The following LRRTM4 variants were observed in gnomAD, a reference collection of about 807,000 sequenced individuals.
LRRTM4 encodes the protein leucine rich repeat transmembrane neuronal 4, also known as leucine-rich repeat transmembrane neuronal protein 4.
A neutral mutation model predicts 47.6 loss-of-function variants in LRRTM4; 25 were observed. That is an observed-to-expected ratio of 0.53 (90% CI 0.38 to 0.73). The LOEUF (loss-of-function observed/expected upper bound fraction) is 0.73. LRRTM4 is among the 30% of genes least tolerant of loss of function. The pLI is 0.00. For synonymous variants in LRRTM4, 311 were observed against 269.5 expected (o/e 1.15, Z -1.51); for missense variants, 638 against 713.4 (o/e 0.89, Z 1.20).
chr2:77,440,225 T>C (rs1254466665), intron 3 of LRRTM4, among the ~76,000 whole-genome samples: 2 of 152,086 alleles, frequency 1.3e-5, no homozygotes, highest in Non-Finnish European at 1.5e-5. Context: ...CCATCCTGGC[T>C]AACACGGTGA....
intron 3 of LRRTM4, among the ~76,000 whole-genome samples, chr2:77,099,339 CATG>C (rs1274661362): frequency 6.6e-6 from 1 of 151,792 alleles, no homozygotes; most frequent in Non-Finnish European, 1.5e-5. Flanking sequence ...CTCACAAAAA[CATG>C]ATTAGACCCA....
At position 77,333,825 on chromosome 2, in the gene LRRTM4, T is replaced by A. The variant is rs563582017; in HGVS notation, c.1551+184493A>T. Among the ~76,000 whole-genome samples the A allele has an allele frequency of 2.0e-4, 30 of 152,222 alleles. No individual in the cohort carries two copies. In the South Asian group the frequency reaches 6.2e-3, roughly 32 times the overall value. On this transcript the variant is annotated intron_variant, in intron 3 of 3. Transcript: ENST00000409884. ...CCAGAACCCAGAATGGTAATTCCAC[T>A]GACAACTTGCACCATGCACCTGGAA...
chr2:76,819,196 T>G (rs560671709), intron 3 of LRRTM4, among the ~76,000 whole-genome samples: 2 of 152,000 alleles, frequency 1.3e-5, no homozygotes, highest in East Asian at 3.9e-4. Flanking sequence ...GCAGTCAGTA[T>G]TTATTGCCAT....
chr2:77,438,295 A>G (rs895806337), intron 3 of LRRTM4, among the ~76,000 whole-genome samples: 14 of 151,622 alleles, frequency 9.2e-5, no homozygotes, highest in African/African-American at 3.4e-4. Flanking sequence ...GTTTTTATAT[A>G]TATTTTGAAA....
intron 3 of LRRTM4, among the ~76,000 whole-genome samples, chr2:76,974,221 TAC>T (rs201550587): frequency 0.23 from 28,186 of 123,412 alleles, 4,208 homozygotes; most frequent in African/African-American, 0.43. Context: ...CACATATATA[TAC>T]ATACATATAT....
At chr2:76,884,598 T>A (rs1445342091) in intron 3 of LRRTM4, among the ~76,000 whole-genome samples, 1 of 152,118 alleles carries the variant, frequency 6.6e-6, no homozygotes, top group African/African-American at 2.4e-5. Context: ...ATTATGTACA[T>A]TAATATGTGT....
intron 3 of LRRTM4, among the ~76,000 whole-genome samples, chr2:77,309,576 C>A (rs1573230745): frequency 6.6e-6 from 1 of 152,120 alleles, no homozygotes; most frequent in Admixed American, 6.6e-5. Context: ...TGGAAGAGTT[C>A]TTAATGGGCA....
intron 3 of LRRTM4, among the ~76,000 whole-genome samples, chr2:77,361,619 C>G (rs368287756): frequency 6.6e-6 from 1 of 152,084 alleles, no homozygotes; most frequent in African/African-American, 2.4e-5. Context: ...CTTTATCTTC[C>G]CCGTGAAATA....
At chr2:76,772,257 A>C (rs762466756) in intron 3 of LRRTM4, among the ~76,000 whole-genome samples, 2 of 152,156 alleles carry the variant, frequency 1.3e-5, no homozygotes, top group African/African-American at 4.8e-5. Context: ...AAGAGGGAGG[A>C]CATCAGATCA....
intron 3 of LRRTM4, among the ~76,000 whole-genome samples, chr2:77,088,291 C>T (rs1230436945): frequency 6.6e-6 from 1 of 152,084 alleles, no homozygotes; most frequent in Non-Finnish European, 1.5e-5. Flanking sequence ...GCCCAGATGG[C>T]CTGAAGTAAC....
intron 3 of LRRTM4, among the ~76,000 whole-genome samples, chr2:77,461,080 T>C (rs1398120744): frequency 1.3e-5 from 2 of 151,960 alleles, no homozygotes; most frequent in African/African-American, 4.8e-5. Flanking sequence ...TCTTTAAAAT[T>C]CTTTAAAATG....
chr2:76,814,430 G>A (rs1032529606), intron 3 of LRRTM4, among the ~76,000 whole-genome samples: 5 of 151,910 alleles, frequency 3.3e-5, no homozygotes, highest in Non-Finnish European at 7.4e-5. Flanking sequence ...TATCTATTTT[G>A]TAACAATGTA....
intron 3 of LRRTM4, among the ~76,000 whole-genome samples, chr2:77,426,433 C>T (rs763369183): frequency 8.5e-5 from 13 of 152,252 alleles, no homozygotes; most frequent in Admixed American, 7.2e-4. Context: ...CACTTACAGG[C>T]TTTCCTTTCC....
chr2:77,046,206 C>A (rs985363400), intron 3 of LRRTM4, among the ~76,000 whole-genome samples: 1 of 151,928 alleles, frequency 6.6e-6, no homozygotes, highest in Non-Finnish European at 1.5e-5. Context: ...GTGTTTTACA[C>A]TGCAATAGAA....
At chr2:77,201,803 G>T in intron 3 of LRRTM4, among the ~76,000 whole-genome samples, 1 of 152,044 alleles carries the variant, frequency 6.6e-6, no homozygotes. Context: ...AAATAGCCAT[G>T]AACCTAACCT....
At chr2:77,435,738 T>C (rs1202906414) in intron 3 of LRRTM4, among the ~76,000 whole-genome samples, 1 of 152,106 alleles carries the variant, frequency 6.6e-6, no homozygotes, top group East Asian at 1.9e-4. Flanking sequence ...AAGATGTTAA[T>C]AGTGGCAAGG....
At chr2:77,494,346 C>G (rs113523212) in intron 3 of LRRTM4, among the ~76,000 whole-genome samples, 1 of 152,154 alleles carries the variant, frequency 6.6e-6, no homozygotes, top group African/African-American at 2.4e-5. Context: ...CTCCCTAGCT[C>G]TCTGTTACCA....
intron 3 of LRRTM4, among the ~76,000 whole-genome samples, chr2:77,054,967 C>A (rs1679554416): frequency 6.6e-6 from 1 of 152,206 alleles, no homozygotes; most frequent in South Asian, 2.1e-4. Context: ...AGATCACTTG[C>A]TTCTCTCAGG....
intron 3 of LRRTM4, among the ~76,000 whole-genome samples, chr2:77,168,384 A>C (rs1399412111): frequency 6.6e-6 from 1 of 151,830 alleles, no homozygotes; most frequent in Middle Eastern, 3.4e-3. Flanking sequence ...GCTACTTATT[A>C]TCTCTTTTAC....
Sources: gnomAD v4.1 joint callset for allele counts (sites outside exome capture counted in the v4.1 genomes callset) on GRCh38, gnomAD v4.1.1 for gene constraint, MANE v1.5 for transcripts, NCBI Gene and HGNC (gene_info 2026-07-23, HGNC 2026-07-21) for gene names.